MACROD2: variants seen among roughly 807,000 people sequenced by gnomAD.
The protein encoded by MACROD2 is ADP-ribose glycohydrolase MACROD2.
Under a neutral mutation model 70.4 loss-of-function variants are expected in MACROD2, and 36 were observed. The ratio of observed to expected loss-of-function variants is 0.51; its 90% confidence interval spans 0.39 to 0.68. The LOEUF (loss-of-function observed/expected upper bound fraction) is 0.68. MACROD2 is among the 30% of genes least tolerant of loss of function. The pLI, the probability that MACROD2 is intolerant of heterozygous loss-of-function variation, is 0.00. For missense variants in MACROD2, 496 were observed against 538.4 expected (o/e 0.92, Z 0.78); for synonymous variants, 172 against 178.8 (o/e 0.96, Z 0.30).
intron 15 of MACROD2, among the ~76,000 whole-genome samples, chr20:15,998,562 C>T (rs1374108154): frequency 9.1e-6 from 1 of 109,402 alleles, no homozygotes; most frequent in Non-Finnish European, 1.9e-5. Flanking sequence ...TTTGAGTTCT[C>T]TCTTTTTTTT....
At chr20:14,503,693 A>C (rs574632035) in intron 4 of MACROD2, among the ~76,000 whole-genome samples, 1 of 152,338 alleles carries the variant, frequency 6.6e-6, no homozygotes, top group South Asian at 2.1e-4. Context: ...AATAGCCATG[A>C]GGGGCACAAA....
chr20:14,564,447 A>G (rs1266956124), intron 4 of MACROD2, among the ~76,000 whole-genome samples: 2 of 152,004 alleles, frequency 1.3e-5, no homozygotes, highest in African/African-American at 4.8e-5. Flanking sequence ...CAAACAATGC[A>G]TCTGGACAAA....
intron 9 of MACROD2, among the ~76,000 whole-genome samples, chr20:15,876,762 G>A (rs6043589): frequency 3.9e-5 from 6 of 152,200 alleles, no homozygotes; most frequent in Admixed American, 1.3e-4. Context: ...TCTCCACGTC[G>A]TCTCCAGCAC....
At chr20:15,229,789 A>T in intron 5 of MACROD2, 151 bp from the exon 6 acceptor site, 2 of 729,258 alleles carry the variant, frequency 2.7e-6, no homozygotes, top group Non-Finnish European at 4.0e-6. Flanking sequence ...AAGATCTTCT[A>T]CCAGAGAAAT....
intron 8 of MACROD2, among the ~76,000 whole-genome samples, chr20:15,787,889 A>G (rs2051957594): frequency 6.6e-6 from 1 of 152,116 alleles, no homozygotes; most frequent in Non-Finnish European, 1.5e-5. Flanking sequence ...GATGACAATG[A>G]TTATTTCTGA....
chr20:15,215,373 A>G (rs1334703769), intron 5 of MACROD2, among the ~76,000 whole-genome samples: 1 of 151,666 alleles, frequency 6.6e-6, no homozygotes, highest in Non-Finnish European at 1.5e-5. Flanking sequence ...TAAAAAAACT[A>G]TGAAGATCTT....
intron 5 of MACROD2, among the ~76,000 whole-genome samples, chr20:14,762,240 G>C (rs16994918): frequency 6.6e-6 from 1 of 151,974 alleles, no homozygotes; most frequent in Non-Finnish European, 1.5e-5. Context: ...CACTTATTCC[G>C]TCATGTAGCA....
intron 5 of MACROD2, among the ~76,000 whole-genome samples, chr20:14,862,011 A>ATATT (rs1284334750): frequency 4.2e-5 from 1 of 23,602 alleles, no homozygotes; most frequent in African/African-American, 1.9e-4. Flanking sequence ...ATATTTATAT[A>ATATT]TATATATTTA....
chr20:15,507,223 TTCTCTCCC>T (rs1461475694), intron 8 of MACROD2, among the ~76,000 whole-genome samples: 1 of 151,196 alleles, frequency 6.6e-6, no homozygotes, highest in East Asian at 1.9e-4. Context: ...CTCTTTATTT[TTCTCTCCC>T]TCTCTCCCTA....
intron 12 of MACROD2, among the ~76,000 whole-genome samples, chr20:15,963,646 T>C (rs1218824407): frequency 6.6e-6 from 1 of 152,236 alleles, no homozygotes; most frequent in Admixed American, 6.5e-5. Context: ...GAAAATCTTT[T>C]GTAAAATGGC....
At chr20:15,986,679 G>A (rs1170900439) in intron 13 of MACROD2, 48 bp from the exon 14 acceptor site, 1 of 1,433,472 alleles carries the variant, frequency 7.0e-7, no homozygotes, top group Non-Finnish European at 9.8e-7. Flanking sequence ...TAAAGCTACG[G>A]TCATGCATAT....
At chr20:14,417,240 G>A (rs557117447) in intron 3 of MACROD2, among the ~76,000 whole-genome samples, 1 of 152,126 alleles carries the variant, frequency 6.6e-6, no homozygotes, top group Admixed American at 6.5e-5. Flanking sequence ...TTGTTTTTGA[G>A]GAAATGTACT....
chr20:15,762,361 C>T lies in MACROD2; in HGVS notation c.646-100384C>T, dbSNP rs1025166319. On this transcript the variant is annotated intron_variant, in intron 8 of 17. Coordinates refer to ENST00000684519, the MANE Select transcript of MACROD2 (RefSeq NM_001351661.2). Reference sequence around the variant, plus strand: ...ATTTGAACTCAGGTCTGTCTGCCCTCAATTCCATGTTTTTAGACCTTGTGC... The same window carrying T: ...ATTTGAACTCAGGTCTGTCTGCCCTTAATTCCATGTTTTTAGACCTTGTGC... 2.0e-5 allele frequency among the ~76,000 whole-genome samples: 3 copies of T among 152,154 alleles called. No individual in the cohort carries two copies. In the East Asian group the frequency reaches 5.8e-4, roughly 29 times the overall value.
At chr20:15,960,746 G>A (rs1053506680) in intron 12 of MACROD2, among the ~76,000 whole-genome samples, 1 of 152,156 alleles carries the variant, frequency 6.6e-6, no homozygotes, top group African/African-American at 2.4e-5. Context: ...TCCAGAGCTG[G>A]GCATTAATTC....
intron 6 of MACROD2, among the ~76,000 whole-genome samples, chr20:15,351,395 A>G (rs1352185882): frequency 4.6e-5 from 7 of 152,208 alleles, no homozygotes; most frequent in Non-Finnish European, 1.0e-4. Flanking sequence ...ATAGAAAAAA[A>G]TATTTTACCA....
intron 3 of MACROD2, among the ~76,000 whole-genome samples, chr20:14,290,283 A>C (rs1157124830): frequency 6.6e-6 from 1 of 152,224 alleles, no homozygotes; most frequent in Non-Finnish European, 1.5e-5. Flanking sequence ...AAGTTAAAAA[A>C]ATTAAAAGAT....
chr20:14,525,160 T>C (rs1393345875), intron 4 of MACROD2, among the ~76,000 whole-genome samples: 2 of 152,202 alleles, frequency 1.3e-5, no homozygotes, highest in Admixed American at 6.5e-5. Flanking sequence ...GGTGTTTAAA[T>C]AGATGTTTAT....
At chr20:15,808,943 G>A (rs929227663) in intron 8 of MACROD2, among the ~76,000 whole-genome samples, 2 of 151,858 alleles carry the variant, frequency 1.3e-5, no homozygotes, top group African/African-American at 4.8e-5. Context: ...TCCTAACTAT[G>A]GAAATATAAG....
At chr20:15,625,046 TAAAA>T (rs1365150181) in intron 8 of MACROD2, among the ~76,000 whole-genome samples, 1 of 152,200 alleles carries the variant, frequency 6.6e-6, no homozygotes, top group Non-Finnish European at 1.5e-5. Context: ...TTGTGAGGGA[TAAAA>T]TAAAACCCCC....
Sources: gnomAD v4.1 joint callset for allele counts (sites outside exome capture counted in the v4.1 genomes callset) on GRCh38, gnomAD v4.1.1 for gene constraint, MANE v1.5 for transcripts, NCBI Gene and HGNC (gene_info 2026-07-23, HGNC 2026-07-21) for gene names.